The following WSCD1 variants were observed in gnomAD, a reference collection of about 807,000 sequenced individuals.
WSCD1 encodes sialate:O-sulfotransferase 1.
WSCD1 carries 41 observed loss-of-function variants against 60.4 expected under a neutral mutation model. That is an observed-to-expected ratio of 0.68 (90% CI 0.53 to 0.88). The LOEUF is 0.88. Ranked by LOEUF, WSCD1 falls within the 40% of genes least tolerant of loss-of-function variation. The pLI, the probability that WSCD1 is intolerant of heterozygous loss-of-function variation, is 0.00. For synonymous variants in WSCD1, 361 were observed against 332.5 expected (o/e 1.09, Z -0.93); for missense variants, 784 against 796.2 (o/e 0.98, Z 0.18).
intron 1 of WSCD1, among the ~76,000 whole-genome samples, chr17:6,073,772 G>A (rs1158525780): frequency 6.6e-6 from 1 of 152,276 alleles, no homozygotes; most frequent in East Asian, 1.9e-4. Context: ...GTGTCTTTCT[G>A]TGTGGACCCA....
intron 7 of WSCD1, among the ~76,000 whole-genome samples, chr17:6,111,439 G>A (rs150531593): frequency 5.3e-5 from 8 of 152,288 alleles, no homozygotes; most frequent in Non-Finnish European, 1.5e-5. Context: ...AGTGGCTCAC[G>A]CCTGTAATCC....
rs143486509 is a variant in WSCD1 at position 6,120,760 on chromosome 17, G to C, written c.*99G>C. 1 of 1,303,960 alleles carries C rather than the reference G, an allele frequency of 7.7e-7. No individual in the cohort carries two copies. The allele number at this position is 1,303,960 out of a possible 1,614,324, so 80.8% of individuals were successfully genotyped here. The stretch of plus-strand genomic sequence containing the variant: ...CTCAGGCCCGTGGCCTCACTGGGAC[G>C]AACGGTGGGTGGGGGGCTCACCCTG... On this transcript the variant is annotated 3_prime_UTR_variant, in exon 9 of 9. Transcript: ENST00000317744.
intron 1 of WSCD1, among the ~76,000 whole-genome samples, chr17:6,076,414 A>C (rs1908861704): frequency 6.6e-6 from 1 of 152,012 alleles, no homozygotes. Context: ...TCCTGGGTGC[A>C]CTCCAGGGAC....
chr17:6,120,616 T>C lies in WSCD1; in HGVS notation c.1683T>C (p.Arg561=). The change falls in exon 9 of 9, where the codon CGT becomes CGC. Residue 561 remains arginine (R), a synonymous_variant. Transcript: ENST00000317744. ...TCCGGACGGTGGACCAAGCCCTGCG[T>C]GACCACAACTGGACGGGGCTGCCCA... is the stretch of plus-strand genomic sequence containing the variant. The part of the protein sequence containing the change: ...GYIRTVDQAL[R]DHNWTGLPRE... 2 of 1,613,406 alleles carry C rather than the reference T, an allele frequency of 1.2e-6. No homozygotes were observed. Among genetic ancestry groups the C allele is most frequent in the Non-Finnish European group, 1.7e-6 (2 of 1,179,954 alleles).
At chr17:6,103,352 A>G (rs1015628128) in intron 5 of WSCD1, among the ~76,000 whole-genome samples, 6 of 152,206 alleles carry the variant, frequency 3.9e-5, no homozygotes, top group African/African-American at 1.2e-4. Flanking sequence ...ACTTCCTGGG[A>G]TGAAGAGCCA....
chr17:6,111,741 C>T (rs558816524), intron 7 of WSCD1, among the ~76,000 whole-genome samples: 7 of 146,654 alleles, frequency 4.8e-5, no homozygotes, highest in East Asian at 3.9e-4. Flanking sequence ...GGAAACATGA[C>T]GTCTGCAAAG....
In WSCD1 at chr17:6,120,520, G is replaced by A. The variant is rs1204500348; in HGVS notation, c.1587G>A (p.Arg529=). Residue 529 remains arginine, a synonymous_variant, in exon 9 of 9, where the codon CGG becomes CGA. Coordinates refer to ENST00000317744, the MANE Select transcript of WSCD1 (RefSeq NM_015253.2). ...AGAACAACAAGGAGGGCAGCTTCCG[G>A]CGGCGCGGCCGGCGCTCCCACGACC... The part of the protein sequence containing the change: ...CVENNKEGSF[R]RRGRRSHDPE... 2 of 1,613,786 alleles carry A rather than the reference G, an allele frequency of 1.2e-6. No individual in the cohort carries two copies. Among genetic ancestry groups the A allele is most frequent in the East Asian group, 2.2e-5 (1 of 44,870 alleles).
rs1904614149 is a variant in WSCD1, at chr17:6,120,493, G to C, written c.1560G>C (p.Val520=). ...TGAGCGAGGAGCGGCTGCTCTGCGT[G>C]GAGAACAACAAGGAGGGCAGCTTCC... ...VSVSEERLLC[V]ENNKEGSFRR... The change falls in exon 9 of 9, where the codon GTG becomes GTC. Residue 520 remains valine, a synonymous_variant. Coordinates refer to ENST00000317744, the MANE Select transcript of WSCD1 (RefSeq NM_015253.2). 1.2e-6 allele frequency: 2 copies of C among 1,613,846 alleles called. No individual in the cohort carries two copies. The highest frequency in any genetic ancestry group is 2.7e-5 in the African/African-American group (2 of 74,956).
At chr17:6,116,785 T>A (rs1471128158) in intron 7 of WSCD1, among the ~76,000 whole-genome samples, 3 of 152,246 alleles carry the variant, frequency 2.0e-5, no homozygotes, top group Non-Finnish European at 4.4e-5. Flanking sequence ...TCACTGCAGA[T>A]ACAAATGCTT....
Position 6,087,985 on chromosome 17 carries a change from T to C in WSCD1, c.428-5T>C, listed in dbSNP as rs775135361. 6.2e-7 allele frequency: 1 copy of C among 1,610,494 alleles called. No individual in the cohort carries two copies. Among genetic ancestry groups the C allele is most frequent in the Non-Finnish European group, 8.5e-7 (1 of 1,176,766 alleles). ...CTGGTATTAGCCATGCTTCCCTTTC[T>C]GCAGGCACCTACATTGGATGCTTCA... is the stretch of plus-strand genomic sequence containing the variant. On this transcript the variant is annotated splice_polypyrimidine_tract_variant and splice_region_variant and intron_variant, in intron 2 of 8. Coordinates refer to ENST00000317744, the MANE Select transcript of WSCD1 (RefSeq NM_015253.2).
At chr17:6,097,075 C>G (rs890377170) in intron 5 of WSCD1, among the ~76,000 whole-genome samples, 1 of 152,266 alleles carries the variant, frequency 6.6e-6, no homozygotes, top group East Asian at 1.9e-4. Flanking sequence ...CTTTGCAGCT[C>G]CTGCTCCTGA....
chr17:6,083,807 A>G (rs1874944565), intron 2 of WSCD1, among the ~76,000 whole-genome samples: 1 of 152,062 alleles, frequency 6.6e-6, no homozygotes, highest in Non-Finnish European at 1.5e-5. Context: ...TAATAAAAAT[A>G]AAAATAGAAG....
chr17:6,106,417 G>A (rs1911088121), intron 5 of WSCD1, among the ~76,000 whole-genome samples: 1 of 152,222 alleles, frequency 6.6e-6, no homozygotes, highest in African/African-American at 2.4e-5. Flanking sequence ...ATACTACACA[G>A]CAATGAAAAA....
intron 7 of WSCD1, among the ~76,000 whole-genome samples, chr17:6,113,913 C>T (rs1911547068): frequency 6.6e-6 from 1 of 151,940 alleles, no homozygotes. Context: ...TAGTACAGCT[C>T]TTACGGAAAA....
In WSCD1 at chr17:6,120,713, G is replaced by T; in HGVS notation, c.*52G>T. On this transcript the variant is annotated 3_prime_UTR_variant, in exon 9 of 9. Transcript: ENST00000317744. ...GCTGAGTGACGCAATCGCACCACGG[G>T]GCTGCGCTCCCCACTCTGATGCTCA... 6.5e-7 allele frequency: 1 copy of T among 1,544,474 alleles called. No individual in the cohort carries two copies. Among genetic ancestry groups the T allele is most frequent in the South Asian group, 1.2e-5 (1 of 81,588 alleles).
intron 2 of WSCD1, 23 bp from the exon 3 acceptor site, chr17:6,087,967 T>C: frequency 6.3e-7 from 1 of 1,584,606 alleles, no homozygotes; most frequent in South Asian, 1.1e-5. Context: ...CCTCTGGTAT[T>C]AGCCATGCTT....
chr17:6,118,330 C>A lies in WSCD1; in HGVS notation c.1375+142C>A. ...AGGTAGGCACTCAAACCCCATCCTG[C>A]TAGGGACTTAGTGCTGCTGTGCCTG... On this transcript the variant is annotated intron_variant, in intron 8 of 8. Transcript: ENST00000317744. This position sits in a 1 kb window ranked among gnomAD's most constrained non-coding sequence, Gnocchi z 5.8. 1 of 895,130 alleles carries A rather than the reference C, an allele frequency of 1.1e-6. No homozygotes were observed. The highest frequency in any genetic ancestry group is 1.7e-5 in the South Asian group (1 of 60,100). 55.4% of individuals were successfully genotyped at this position (895,130 alleles called of 1,614,324 possible). A position where few individuals can be genotyped will look rare whatever the true frequency, so the allele number is the denominator to read the frequency against.
At chr17:6,106,704 G>A (rs999107482) in intron 5 of WSCD1, among the ~76,000 whole-genome samples, 12 of 152,208 alleles carry the variant, frequency 7.9e-5, no homozygotes, top group Non-Finnish European at 1.5e-5. Flanking sequence ...TCATCAGATA[G>A]GTTAGTACAC....
At chr17:6,111,426 C>G (rs986100645) in intron 7 of WSCD1, among the ~76,000 whole-genome samples, 1 of 152,156 alleles carries the variant, frequency 6.6e-6, no homozygotes. Flanking sequence ...GGAGGCCAGG[C>G]GCAGTGGCTC....
Sources: gnomAD v4.1 joint callset for allele counts (sites outside exome capture counted in the v4.1 genomes callset) on GRCh38, gnomAD v4.1.1 for gene constraint, Gnocchi (gnomAD v3.1) non-coding constraint, MANE v1.5 for transcripts, NCBI Gene and HGNC (gene_info 2026-07-23, HGNC 2026-07-21) for gene names.